CPED1: variants seen among roughly 807,000 people sequenced by gnomAD.
The protein encoded by CPED1 is cadherin like and PC-esterase domain containing 1.
Under a neutral mutation model 128.2 loss-of-function variants are expected in CPED1, and 114 were observed. The ratio of observed to expected loss-of-function variants is 0.89; its 90% CI spans 0.76 to 1.04. The LOEUF is 1.04. Among genes scored for constraint, CPED1 ranks in the 50% least tolerant of loss-of-function variants. The pLI is 0.00. For missense variants in CPED1, 1,211 were observed against 1,207.1 expected (o/e 1.00, Z -0.05); for synonymous variants, 462 against 426.7 (o/e 1.08, Z -1.02).
At chr7:121,082,608 G>C (rs1392648106) in intron 5 of CPED1, among the ~76,000 whole-genome samples, 1 of 152,158 alleles carries the variant, frequency 6.6e-6, no homozygotes, top group East Asian at 1.9e-4. Context: ...CACTATGTCA[G>C]GCACTTTATA....
At chr7:121,141,399 T>C (rs1364516544) in intron 15 of CPED1, among the ~76,000 whole-genome samples, 1 of 152,094 alleles carries the variant, frequency 6.6e-6, no homozygotes, top group Non-Finnish European at 1.5e-5. Context: ...ACTGGCTTTT[T>C]TTCCTATTGA....
At chr7:121,019,773 A>G (rs866718799) in intron 3 of CPED1, among the ~76,000 whole-genome samples, 45 of 151,998 alleles carry the variant, frequency 3.0e-4, no homozygotes, top group African/African-American at 1.0e-3. Context: ...TTGGAAAAAT[A>G]TATCTTATGC....
At chr7:121,079,316 G>A (rs1482273675) in intron 5 of CPED1, among the ~76,000 whole-genome samples, 4 of 152,210 alleles carry the variant, frequency 2.6e-5, no homozygotes, top group African/African-American at 9.6e-5. Flanking sequence ...CAATAGATGT[G>A]TATTAGTAGA....
At position 121,250,235 on chromosome 7, in the gene CPED1, G is replaced by A. The variant is rs537712467; in HGVS notation, c.2310+5897G>A. ...CCTGAATAACTACTGGGTACATAACGAAATGAAGGCAGAAATAAAGATGTT... is the reference window on the plus strand; with the variant it reads ...CCTGAATAACTACTGGGTACATAACAAAATGAAGGCAGAAATAAAGATGTT... On this transcript the variant is annotated intron_variant, in intron 18 of 22. Coordinates refer to ENST00000310396, the MANE Select transcript of CPED1 (RefSeq NM_024913.5). 5.9e-5 allele frequency among the ~76,000 whole-genome samples: 9 copies of A among 152,078 alleles called. No homozygotes were observed. The South Asian group carries it at 1.2e-3, about 21-fold the overall frequency.
chr7:121,018,833 G>A (rs142948839), intron 3 of CPED1, among the ~76,000 whole-genome samples: 7 of 152,086 alleles, frequency 4.6e-5, no homozygotes, highest in African/African-American at 1.4e-4. Context: ...AATTATGCAC[G>A]TTATAATCCA....
intron 2 of CPED1, among the ~76,000 whole-genome samples, chr7:121,009,086 T>A (rs1454111675): frequency 6.6e-6 from 1 of 152,122 alleles, no homozygotes; most frequent in East Asian, 1.9e-4. Context: ...CCTAGTTTAT[T>A]ATAACTAGTT....
At chr7:121,221,517 T>A (rs542357414) in intron 16 of CPED1, among the ~76,000 whole-genome samples, 1 of 152,374 alleles carries the variant, frequency 6.6e-6, no homozygotes, top group African/African-American at 2.4e-5. Context: ...TTTCTAGTTC[T>A]AGATCCTTGA....
intron 5 of CPED1, among the ~76,000 whole-genome samples, chr7:121,065,644 G>A (rs1287278027): frequency 6.6e-6 from 1 of 152,082 alleles, no homozygotes; most frequent in African/African-American, 2.4e-5. Context: ...GTCAGAAATA[G>A]ATTACCAGTG....
At chr7:121,126,649 C>T (rs1795510813) in intron 9 of CPED1, among the ~76,000 whole-genome samples, 1 of 152,044 alleles carries the variant, frequency 6.6e-6, no homozygotes, top group African/African-American at 2.4e-5. Context: ...ATGGCTCATA[C>T]ATTTGGTTAA....
At chr7:121,176,130 T>A (rs894791485) in intron 16 of CPED1, among the ~76,000 whole-genome samples, 2 of 124,842 alleles carry the variant, frequency 1.6e-5, no homozygotes, top group Non-Finnish European at 3.3e-5. Flanking sequence ...GTTAAATAAA[T>A]AACTCGAGAG....
chr7:121,093,397 TACACACACACAC>T (rs10526224), intron 5 of CPED1, among the ~76,000 whole-genome samples: 2 of 145,470 alleles, frequency 1.4e-5, no homozygotes, highest in Admixed American at 6.9e-5. Context: ...CCTTTTTCTG[TACACACACACAC>T]ACACACACAC....
chr7:121,028,922 G>A (rs891757724), intron 3 of CPED1, among the ~76,000 whole-genome samples: 8 of 152,150 alleles, frequency 5.3e-5, no homozygotes, highest in East Asian at 3.9e-4. Flanking sequence ...ATTTTATGCA[G>A]TTTTCTAGCT....
At chr7:121,214,604 G>A (rs1462999553) in intron 16 of CPED1, among the ~76,000 whole-genome samples, 1 of 151,916 alleles carries the variant, frequency 6.6e-6, no homozygotes, top group Non-Finnish European at 1.5e-5. Context: ...TGTCTTTAGA[G>A]TATTTTAAAA....
chr7:121,294,472 TAGAA>T (rs1792778343), intron 22 of CPED1, among the ~76,000 whole-genome samples: 1 of 152,088 alleles, frequency 6.6e-6, no homozygotes, highest in African/African-American at 2.4e-5. Flanking sequence ...TCCGTTTTCT[TAGAA>T]AGAAACATTT....
At chr7:121,291,819 C>T (rs1312296301) in intron 22 of CPED1, among the ~76,000 whole-genome samples, 2 of 152,134 alleles carry the variant, frequency 1.3e-5, no homozygotes, top group African/African-American at 2.4e-5. Flanking sequence ...TTGCCCTGGC[C>T]AGAACTTCCA....
chr7:121,091,984 A>T (rs936964671), intron 5 of CPED1, among the ~76,000 whole-genome samples: 9 of 152,270 alleles, frequency 5.9e-5, no homozygotes, highest in Non-Finnish European at 1.0e-4. Flanking sequence ...AATGAACCCT[A>T]GGCCTCTAAA....
intron 16 of CPED1, among the ~76,000 whole-genome samples, chr7:121,226,657 A>G (rs1798021409): frequency 6.6e-6 from 1 of 152,100 alleles, no homozygotes; most frequent in South Asian, 2.1e-4. Flanking sequence ...ATTTTTACAG[A>G]TATTTCAAAT....
chr7:121,189,795 TATAA>T (rs67570556), intron 16 of CPED1, among the ~76,000 whole-genome samples: 4,814 of 62,318 alleles, frequency 0.077, 394 homozygotes, highest in East Asian at 0.31. Flanking sequence ...TATATATATA[TATAA>T]AATTTGTATT....
chr7:121,096,935 C>T (rs1238950005), intron 5 of CPED1, among the ~76,000 whole-genome samples: 1 of 151,954 alleles, frequency 6.6e-6, no homozygotes, highest in East Asian at 1.9e-4. Context: ...ATTACATCAA[C>T]TTTTATATTG....
Sources: gnomAD v4.1 joint callset for allele counts (sites outside exome capture counted in the v4.1 genomes callset) on GRCh38, gnomAD v4.1.1 for gene constraint, MANE v1.5 for transcripts, NCBI Gene and HGNC (gene_info 2026-07-23, HGNC 2026-07-21) for gene names.